Variants in TBC1D4 observed in about 807,000 individuals in gnomAD.
TBC1D4 encodes the protein TBC1 domain family member 4, also known as TBC (Tre-2, BUB2, CDC16) domain-containing protein.
TBC1D4 carries 121 observed loss-of-function variants against 142.5 expected under a neutral mutation model. The observed-to-expected ratio is 0.85, with a 90% confidence interval of 0.73 to 0.99. The LOEUF is 0.99. TBC1D4 is among the 50% of genes least tolerant of loss of function. The pLI, the probability that TBC1D4 is intolerant of heterozygous loss-of-function variation, is 0.00. For missense variants in TBC1D4, 1,475 were observed against 1,606.6 expected (o/e 0.92, Z 1.40); for synonymous variants, 630 against 628.2 (o/e 1.00, Z -0.04).
At chr13:75,361,719 A>C (rs1882531434) in intron 2 of TBC1D4, among the ~76,000 whole-genome samples, 2 of 152,020 alleles carry the variant, frequency 1.3e-5, no homozygotes, top group Admixed American at 1.3e-4. Flanking sequence ...AATCACCCCA[A>C]GGCAAATGCT....
chr13:75,472,106 CAAAAA>C (rs59823952), intron 1 of TBC1D4, among the ~76,000 whole-genome samples: 6 of 121,958 alleles, frequency 4.9e-5, no homozygotes, highest in African/African-American at 7.1e-5. Flanking sequence ...GACTCTGTCT[CAAAAA>C]AAAAAAAAAA....
intron 12 of TBC1D4, among the ~76,000 whole-genome samples, 200 bp downstream of exon 12, chr13:75,319,814 C>A (rs1044747904): frequency 4.6e-5 from 7 of 152,194 alleles, no homozygotes; most frequent in Non-Finnish European, 7.3e-5. Flanking sequence ...TTTCTGTCTG[C>A]AATCAACATT....
chr13:75,372,816 A>G (rs1412187771), intron 1 of TBC1D4, among the ~76,000 whole-genome samples: 1 of 152,236 alleles, frequency 6.6e-6, no homozygotes, highest in East Asian at 1.9e-4. Flanking sequence ...AATAAAATTA[A>G]TAAGTTAATA....
At chr13:75,338,487 AAGG>A (rs1880410930) in intron 7 of TBC1D4, among the ~76,000 whole-genome samples, 1 of 152,212 alleles carries the variant, frequency 6.6e-6, no homozygotes, top group Non-Finnish European at 1.5e-5. Flanking sequence ...AAATGAAGGA[AAGG>A]AGAGCGTGAT....
At chr13:75,328,430 T>C (rs1352178249) in intron 8 of TBC1D4, among the ~76,000 whole-genome samples, 2 of 152,092 alleles carry the variant, frequency 1.3e-5, no homozygotes, top group Admixed American at 1.3e-4. Context: ...AGTCCTTTGG[T>C]GTGGATTTTA....
rs1593793670 is a variant in TBC1D4, at chr13:75,362,781, G to A, written c.499-174C>T. 6.6e-6 allele frequency among the ~76,000 whole-genome samples: 1 copy of A among 152,090 alleles called. No homozygotes were observed. The highest frequency in any genetic ancestry group is 1.5e-5 in the Non-Finnish European group (1 of 68,008). ...CATTATTTGACATAAATGACTTCAA[G>A]ATAAAATTAAAATGTAATGAAAATT... On this transcript the variant is annotated intron_variant, in intron 1 of 20. Transcript: ENST00000377636. This position sits in a 1 kb window ranked among gnomAD's most constrained non-coding sequence, Gnocchi z 4.2.
In TBC1D4 at chr13:75,324,403, T is replaced by A; in HGVS notation, c.2034-2A>T. Reference sequence around the variant, plus strand: ...ATGCGTCGAACTGACGAAAGATTGCTGAGTACAGAAAATACAGCAAATATG... The same window carrying A: ...ATGCGTCGAACTGACGAAAGATTGCAGAGTACAGAAAATACAGCAAATATG... On this transcript the variant is annotated splice_acceptor_variant, in intron 10 of 20. Transcript: ENST00000377636. LOFTEE classifies it high-confidence loss of function. The A allele has an allele frequency of 6.2e-7, 1 of 1,613,890 alleles. No homozygotes were observed. The highest frequency in any genetic ancestry group is 2.2e-5 in the East Asian group (1 of 44,858).
chr13:75,306,183 C>T (rs992736760), intron 15 of TBC1D4, 130 bp downstream of exon 15: 29 of 866,584 alleles, frequency 3.3e-5, no homozygotes, highest in Non-Finnish European at 5.0e-5. Flanking sequence ...AATTACTTCT[C>T]TTTTTTTACT....
intron 1 of TBC1D4, among the ~76,000 whole-genome samples, chr13:75,384,998 T>TGC (rs1884085502): frequency 6.6e-6 from 1 of 152,154 alleles, no homozygotes; most frequent in Non-Finnish European, 1.5e-5. Context: ...AAATTGCCCA[T>TGC]AAGGCACATC....
intron 11 of TBC1D4, among the ~76,000 whole-genome samples, chr13:75,322,771 G>A (rs1258911349): frequency 6.6e-6 from 1 of 152,004 alleles, no homozygotes; most frequent in Non-Finnish European, 1.5e-5. Context: ...ATAGAGATAC[G>A]GCAAACTGAT....
At chr13:75,441,231 G>A (rs919746291) in intron 1 of TBC1D4, among the ~76,000 whole-genome samples, 13 of 152,094 alleles carry the variant, frequency 8.5e-5, no homozygotes, top group African/African-American at 2.4e-4. Flanking sequence ...ACTCCAGCTC[G>A]GGCAACAGTG....
chr13:75,326,938 C>T (rs1056232634), intron 9 of TBC1D4, among the ~76,000 whole-genome samples: 3 of 152,096 alleles, frequency 2.0e-5, no homozygotes, highest in African/African-American at 7.2e-5. Context: ...CAAAGCCTTC[C>T]GGAAAATAAA....
chr13:75,473,382 A>C (rs1227965901), intron 1 of TBC1D4, among the ~76,000 whole-genome samples: 1 of 152,258 alleles, frequency 6.6e-6, no homozygotes, highest in Non-Finnish European at 1.5e-5. Flanking sequence ...CAATTGTGAG[A>C]TACAGAAGAT....
Position 75,362,211 on chromosome 13 carries a change from G to C in TBC1D4, c.895C>G (p.Arg299Gly). 6.2e-7 allele frequency: 1 copy of C among 1,613,756 alleles called. No individual in the cohort carries two copies. Among genetic ancestry groups the C allele is most frequent in the Non-Finnish European group, 8.5e-7 (1 of 1,179,974 alleles). ...TCAAAGCCAGAATCTTCCAAAATCC[G>C]CTCAGGGAAGCAGACCCGAGAGCTG... is the stretch of plus-strand genomic sequence containing the variant. ...LTSSRVCFPERILEDSGFDEQ... is the reference protein window; with the variant it reads ...LTSSRVCFPEGILEDSGFDEQ... Residue 299 changes from arginine (R) to glycine (G), a missense_variant, in exon 2 of 21, where the codon CGG (arginine) becomes GGG (glycine). Arg to Gly is a moderately radical substitution (Grantham distance 125). Coordinates refer to ENST00000377636, the MANE Select transcript of TBC1D4 (RefSeq NM_014832.5). This position sits in a 1 kb window ranked among gnomAD's most constrained non-coding sequence, Gnocchi z 4.2.
At chr13:75,440,556 T>TA (rs1566492037) in intron 1 of TBC1D4, among the ~76,000 whole-genome samples, 59 of 151,354 alleles carry the variant, frequency 3.9e-4, no homozygotes, top group African/African-American at 1.4e-3. Flanking sequence ...TTACTATTTT[T>TA]TAAAAAAAAA....
intron 11 of TBC1D4, among the ~76,000 whole-genome samples, chr13:75,321,240 G>A (rs1294344369): frequency 6.6e-6 from 1 of 152,068 alleles, no homozygotes; most frequent in Non-Finnish European, 1.5e-5. Flanking sequence ...TAGTAATTAT[G>A]TGTACATGAT....
At chr13:75,405,112 T>A (rs1885271288) in intron 1 of TBC1D4, among the ~76,000 whole-genome samples, 1 of 152,114 alleles carries the variant, frequency 6.6e-6, no homozygotes, top group Non-Finnish European at 1.5e-5. Flanking sequence ...AGAATACAGC[T>A]CACCAGATCT....
intron 1 of TBC1D4, among the ~76,000 whole-genome samples, chr13:75,455,296 T>C (rs1431030701): frequency 6.6e-6 from 1 of 152,214 alleles, no homozygotes; most frequent in Non-Finnish European, 1.5e-5. Flanking sequence ...ATCTCTGTCC[T>C]GAATTGAACC....
Position 75,301,126 on chromosome 13 carries a change from T to G in TBC1D4, c.2911+1117A>C, listed in dbSNP as rs144968333. On this transcript the variant is annotated intron_variant, in intron 16 of 20. Coordinates refer to ENST00000377636, the MANE Select transcript of TBC1D4 (RefSeq NM_014832.5). ...TAAGATGACCCCAAACATAAGGTAA[T>G]CTTGTATTTTCCCAAATGGGCCCAA... Among the ~76,000 whole-genome samples the G allele has an allele frequency of 1.1e-4, 17 of 152,290 alleles. No homozygotes were observed. The East Asian group carries it at 3.3e-3, about 29-fold the overall frequency.
Sources: gnomAD v4.1 joint callset for allele counts (sites outside exome capture counted in the v4.1 genomes callset) on GRCh38, gnomAD v4.1.1 for gene constraint, Gnocchi (gnomAD v3.1) non-coding constraint, MANE v1.5 for transcripts, NCBI Gene and HGNC (gene_info 2026-07-23, HGNC 2026-07-21) for gene names.